The following NOD2 variants were observed in gnomAD, a reference collection of about 807,000 sequenced individuals.
NOD2 encodes the protein nucleotide-binding oligomerization domain-containing protein 2.
NOD2 carries 86 observed loss-of-function variants against 90.9 expected under a neutral mutation model. That is an observed-to-expected ratio of 0.95 (90% CI 0.79 to 1.13). The LOEUF is 1.13. NOD2 is among the 50% of genes most tolerant of loss of function. The pLI is 0.00. For synonymous variants in NOD2, 581 were observed against 554.6 expected (o/e 1.05, Z -0.67); for missense variants, 1,238 against 1,283.8 (o/e 0.96, Z 0.55).
chr16:50,720,128 G>T, intron 7 of NOD2, 120 bp downstream of exon 7: 1 of 837,786 alleles, frequency 1.2e-6, no homozygotes, highest in Non-Finnish European at 2.0e-6. Flanking sequence ...CAGTGGGGAG[G>T]ACAAGCCAGG....
chr16:50,712,165 G>A lies in NOD2; in HGVS notation c.2173G>A (p.Glu725Lys). 6.2e-7 allele frequency: 1 copy of A among 1,614,080 alleles called. No homozygotes were observed. The highest frequency in any genetic ancestry group is 8.5e-7 in the Non-Finnish European group (1 of 1,180,050). The change falls in exon 4 of 12, where the codon GAG becomes AAG. Residue 725 changes from glutamate (E) to lysine (K), a missense_variant. Physicochemically the swap from Glu to Lys is moderately conservative, Grantham distance 56. Coordinates refer to ENST00000647318, the MANE Select transcript of NOD2 (RefSeq NM_001370466.1). ...LIRSLYEMQE[E>K]RLARKAARGL... ...CCGGAGCCTGTACGAGATGCAGGAG[G>A]AGCGGCTGGCTCGGAAGGCTGCACG... is the stretch of plus-strand genomic sequence containing the variant.
At chr16:50,707,106 T>C (rs1197198744) in intron 2 of NOD2, among the ~76,000 whole-genome samples, 1 of 152,252 alleles carries the variant, frequency 6.6e-6, no homozygotes, top group African/African-American at 2.4e-5. Flanking sequence ...TTCTTTTAAC[T>C]TTAAAAAATA....
intron 3 of NOD2, among the ~76,000 whole-genome samples, chr16:50,709,059 T>TC (rs775819877): frequency 2.0e-5 from 3 of 152,322 alleles, no homozygotes; most frequent in South Asian, 2.1e-4. Flanking sequence ...ATTTTTTTTT[T>TC]CTGGAGAATT....
At chr16:50,706,843 C>A (rs1266415525) in intron 2 of NOD2, among the ~76,000 whole-genome samples, 1 of 151,906 alleles carries the variant, frequency 6.6e-6, no homozygotes, top group Admixed American at 6.6e-5. Flanking sequence ...ACTACAGGCA[C>A]CTGCCACCAC....
chr16:50,702,436 GCTCTGACATTCTGTGA>G (rs1425129417), intron 2 of NOD2, among the ~76,000 whole-genome samples: 2 of 152,296 alleles, frequency 1.3e-5, no homozygotes, highest in Non-Finnish European at 2.9e-5. Flanking sequence ...CTCCCTTTGA[GCTCTGACATTCTGTGA>G]CTCTGATTTG....
intron 2 of NOD2, among the ~76,000 whole-genome samples, chr16:50,702,654 T>C (rs892931398): frequency 1.3e-5 from 2 of 152,186 alleles, no homozygotes; most frequent in African/African-American, 4.8e-5. Context: ...AAAATACCCA[T>C]TGCTACTATT....
chr16:50,699,701 G>A lies in NOD2; in HGVS notation c.206G>A (p.Gly69Asp), dbSNP rs767119064. Residue 69 changes from glycine (G) to aspartate (D), a missense_variant, in exon 2 of 12, where the codon GGT (glycine) becomes GAT (aspartate). This residue lies in a region of NOD2 where 567 missense variants were observed against 577.3 expected (regional missense o/e 0.98). Coordinates refer to ENST00000647318, the MANE Select transcript of NOD2 (RefSeq NM_001370466.1). ...CTTCTGGACACCGTCTGGAATAAGG[G>A]TACTTGGGCCTGTCAGAAGCTCATC... ...RRLLDTVWNK[G>D]TWACQKLIAA... is the part of the protein sequence containing the mutation. 1 of 1,614,138 alleles carries A rather than the reference G, an allele frequency of 6.2e-7. No homozygotes were observed. The highest frequency in any genetic ancestry group is 8.5e-7 in the Non-Finnish European group (1 of 1,180,046).
At chr16:50,698,908 G>T (rs1285401686) in intron 1 of NOD2, among the ~76,000 whole-genome samples, 1 of 150,868 alleles carries the variant, frequency 6.6e-6, no homozygotes, top group Non-Finnish European at 1.5e-5. Flanking sequence ...TTGTTTGGAA[G>T]ATCTCTCTCT....
At chr16:50,719,901 A>G (rs1007525140) in intron 6 of NOD2, 24 bp from the exon 7 acceptor site, 12 of 1,609,418 alleles carry the variant, frequency 7.5e-6, no homozygotes, top group Non-Finnish European at 9.4e-6. Flanking sequence ...GTGTTCTCTC[A>G]GCCTCCTCTG....
In NOD2 at chr16:50,710,652, C is replaced by T; in HGVS notation, c.660C>T (p.Cys220=). 1 of 1,614,184 alleles carries T rather than the reference C, an allele frequency of 6.2e-7. No homozygotes were observed. The highest frequency in any genetic ancestry group is 8.5e-7 in the Non-Finnish European group (1 of 1,180,030). Residue 220 remains cysteine (C), a synonymous_variant, in exon 4 of 12, where the codon TGC becomes TGT. Transcript: ENST00000647318. The stretch of plus-strand genomic sequence containing the variant: ...CCTATGATGGAGCAGAGACGCTCTG[C>T]CTGGAGGACATATACACAGAGAATG... ...LSTYDGAETL[C]LEDIYTENVL...
At position 50,712,299 on chromosome 16, in the gene NOD2, G is replaced by A; in HGVS notation, c.2307G>A (p.Gln769=). The change falls in exon 4 of 12, where the codon CAG becomes CAA. Residue 769 remains glutamine (Q), a synonymous_variant. Transcript: ENST00000647318. ...LQHLRRPVAL[Q]LDYNSVGDIG... is the part of the protein sequence containing the mutation. ...ACCTCCGGCGGCCCGTGGCCCTGCA[G>A]CTGGACTACAACTCTGTGGGTGACA... The A allele has an allele frequency of 6.2e-7, 1 of 1,614,020 alleles. No individual in the cohort carries two copies. Among genetic ancestry groups the A allele is most frequent in the East Asian group, 2.2e-5 (1 of 44,888 alleles).
chr16:50,710,686 G>T lies in NOD2; in HGVS notation c.694G>T (p.Val232Phe). 1 of 1,614,008 alleles carries T rather than the reference G, an allele frequency of 6.2e-7. No homozygotes were observed. The highest frequency in any genetic ancestry group is 8.5e-7 in the Non-Finnish European group (1 of 1,179,870). ...EDIYTENVLE[V>F]WADVGMAGPP... ...CATATACACAGAGAATGTCCTGGAG[G>T]TCTGGGCAGATGTGGGCATGGCTGG... Residue 232 changes from valine (V) to phenylalanine (F), a missense_variant, in exon 4 of 12, where the codon GTC becomes TTC. By Grantham distance (50) the Val-to-Phe change is conservative. Coordinates refer to ENST00000647318, the MANE Select transcript of NOD2 (RefSeq NM_001370466.1).
chr16:50,729,708 G>A (rs1965386947), intron 10 of NOD2, 110 bp from the exon 11 acceptor site: 1 of 828,750 alleles, frequency 1.2e-6, no homozygotes, highest in Non-Finnish European at 2.1e-6. Flanking sequence ...TGTGTCTAAG[G>A]GACAGGTGGG....
At chr16:50,699,978 A>G (rs1404975474) in intron 2 of NOD2, 24 bp downstream of exon 2, 6 of 1,594,026 alleles carry the variant, frequency 3.8e-6, no homozygotes, top group Non-Finnish European at 5.1e-6. Flanking sequence ...GGTGTGCATC[A>G]CAGAGTTCTC....
At position 50,732,107 on chromosome 16, in the gene NOD2, C is replaced by T. The variant is rs1465811807; in HGVS notation, c.*288C>T. The stretch of plus-strand genomic sequence containing the variant: ...CCCCTCCTCCATAGTATGGGACTGG[C>T]CTCTGCTGATCCTCCCAGGCTTCCG... On this transcript the variant is annotated 3_prime_UTR_variant, in exon 12 of 12. Transcript: ENST00000647318. 2.2e-5 allele frequency: 10 copies of T among 455,406 alleles called. No homozygotes were observed. Among genetic ancestry groups the T allele is most frequent in the Non-Finnish European group, 3.7e-5 (9 of 244,862 alleles). 28.2% of individuals were successfully genotyped at this position (455,406 alleles called of 1,614,324 possible).
Position 50,699,703 on chromosome 16 carries a change from A to G in NOD2, c.208A>G (p.Thr70Ala), listed in dbSNP as rs1472138329. 7 of 1,614,156 alleles carry G rather than the reference A, an allele frequency of 4.3e-6. No homozygotes were observed. Among genetic ancestry groups the G allele is most frequent in the Non-Finnish European group, 5.9e-6 (7 of 1,180,028 alleles). Residue 70 changes from threonine to alanine, a missense_variant, in exon 2 of 12, where the codon ACT (threonine) becomes GCT (alanine). Physicochemically the swap from Thr to Ala is moderately conservative, Grantham distance 58. Coordinates refer to ENST00000647318, the MANE Select transcript of NOD2 (RefSeq NM_001370466.1). ...RLLDTVWNKG[T>A]WACQKLIAAA... is the part of the protein sequence containing the mutation. ...TCTGGACACCGTCTGGAATAAGGGT[A>G]CTTGGGCCTGTCAGAAGCTCATCGC...
chr16:50,696,693 C>T (rs943476813), intron 1 of NOD2, among the ~76,000 whole-genome samples: 4 of 152,214 alleles, frequency 2.6e-5, no homozygotes, highest in Non-Finnish European at 5.9e-5. Context: ...TAAGATGAGA[C>T]AGGACAATGC....
chr16:50,723,320 G>A lies in NOD2; in HGVS notation c.2737G>A (p.Gly913Ser). Residue 913 changes from glycine (G) to serine (S), a missense_variant, in exon 9 of 12, where the codon GGC (glycine) becomes AGC (serine). Coordinates refer to ENST00000647318, the MANE Select transcript of NOD2 (RefSeq NM_001370466.1). ...CTCCAGCCTGGTGGGGAACAACATT[G>A]GCAGTGTGGGTGCCCAAGCCTTGGC... is the stretch of plus-strand genomic sequence containing the variant. ...RWLSLVGNNI[G>S]SVGAQALALM... The A allele has an allele frequency of 1.9e-6, 3 of 1,613,814 alleles. No homozygotes were observed. In the South Asian group the frequency reaches 3.3e-5, roughly 18 times the overall value.
At chr16:50,715,302 T>C (rs1964732385) in intron 4 of NOD2, among the ~76,000 whole-genome samples, 2 of 152,166 alleles carry the variant, frequency 1.3e-5, no homozygotes, top group African/African-American at 2.4e-5. Context: ...TATTGAGAAG[T>C]GGTAAGGGTA....
Sources: allele counts gnomAD v4.1 joint callset (sites outside exome capture counted in the v4.1 genomes callset), GRCh38; gene constraint gnomAD v4.1.1; regional missense constraint gnomAD v4.1.1; transcripts MANE v1.5; gene names NCBI Gene and HGNC (gene_info 2026-07-23, HGNC 2026-07-21).